Variants in ESRRG observed in about 807,000 individuals in gnomAD.
ESRRG encodes the protein estrogen-related receptor gamma.
A neutral mutation model predicts 44.0 loss-of-function variants in ESRRG; 13 were observed. That is an observed-to-expected ratio of 0.30 (90% confidence interval 0.19 to 0.47). ESRRG has a LOEUF of 0.47. Ranked by LOEUF, ESRRG falls within the 20% of genes least tolerant of loss-of-function variation. The pLI is 1.00. For missense variants in ESRRG, 395 were observed against 580.6 expected, an observed-to-expected ratio of 0.68 and a Z score of 3.29; for synonymous variants, 215 against 214.6, an observed-to-expected ratio of 1.00 and a Z score of -0.02.
Position 216,567,980 on chromosome 1 carries a change from G to A in ESRRG, c.700+8C>T. The A allele has an allele frequency of 6.3e-7, 1 of 1,585,918 alleles. No individual in the cohort carries two copies. The highest frequency in any genetic ancestry group is 8.7e-7 in the Non-Finnish European group (1 of 1,154,452). ...TTCTGGGAAGCCAGACACATCTGCT[G>A]TACTTACATGGCTTTTTGGCTGGCT... On this transcript the variant is annotated splice_region_variant and intron_variant, in intron 4 of 6. Transcript: ENST00000408911.
chr1:216,994,177 T>A (rs1041121574), intron 1 of ESRRG, among the ~76,000 whole-genome samples: 4 of 152,222 alleles, frequency 2.6e-5, no homozygotes, highest in African/African-American at 9.6e-5. Flanking sequence ...AGGGGACTGG[T>A]AATGGGCTAT....
intron 5 of ESRRG, among the ~76,000 whole-genome samples, chr1:216,562,514 A>G (rs963499487): frequency 8.6e-5 from 13 of 151,878 alleles, no homozygotes; most frequent in African/African-American, 2.7e-4. Flanking sequence ...GGGCGATTTT[A>G]TCTCCTGGAG....
At chr1:216,728,900 CT>C (rs1004395054) in intron 2 of ESRRG, among the ~76,000 whole-genome samples, 3 of 151,964 alleles carry the variant, frequency 2.0e-5, no homozygotes, top group Non-Finnish European at 4.4e-5. Flanking sequence ...TCTAAGATTT[CT>C]TTTTATAAAT....
intron 3 of ESRRG, among the ~76,000 whole-genome samples, chr1:216,598,441 A>G (rs1489130861): frequency 6.6e-6 from 1 of 152,198 alleles, no homozygotes; most frequent in Non-Finnish European, 1.5e-5. Context: ...AAATCGCTGA[A>G]AGAAATTGTT....
intron 4 of ESRRG, among the ~76,000 whole-genome samples, chr1:216,564,778 A>G (rs1425532812): frequency 1.3e-5 from 2 of 152,158 alleles, no homozygotes; most frequent in African/African-American, 4.8e-5. Flanking sequence ...CCAGTAAACT[A>G]TTGAAATATA....
chr1:216,660,729 T>C (rs182058683), intron 2 of ESRRG, among the ~76,000 whole-genome samples: 133 of 152,312 alleles, frequency 8.7e-4, no homozygotes, highest in Middle Eastern at 3.4e-3. Flanking sequence ...GCATTGTCTT[T>C]TGCTGTTGTC....
intron 1 of ESRRG, among the ~76,000 whole-genome samples, chr1:216,978,712 A>G (rs930149812): frequency 6.6e-6 from 1 of 152,138 alleles, no homozygotes; most frequent in African/African-American, 2.4e-5. Flanking sequence ...CTATGCAAGT[A>G]CCCTATTCTC....
At chr1:217,136,967 G>A (rs985381009) in intron 1 of ESRRG, among the ~76,000 whole-genome samples, 1 of 152,136 alleles carries the variant, frequency 6.6e-6, no homozygotes, top group East Asian at 1.9e-4. Context: ...GCAGATGCAG[G>A]GACGTTGCTC....
intron 1 of ESRRG, among the ~76,000 whole-genome samples, chr1:216,944,931 A>G (rs1262283222): frequency 6.6e-6 from 1 of 152,148 alleles, no homozygotes; most frequent in Admixed American, 6.6e-5. Flanking sequence ...GGAGAATAAC[A>G]CACTGCAAAT....
rs568814628 is a variant in ESRRG, at chr1:216,601,083, G to A, written c.590-32985C>T. ...GGAGGCCTAGGAAGCCCGGCAGCGC[G>A]GGCGGCAGCAGCGGGTTGGGGAGCA... On this transcript the variant is annotated intron_variant, in intron 3 of 6. Transcript: ENST00000408911. Among the ~76,000 whole-genome samples, 61 of 152,260 alleles carry A rather than the reference G, an allele frequency of 4.0e-4. No homozygotes were observed. In the South Asian group the frequency reaches 7.0e-3, roughly 18 times the overall value.
intron 1 of ESRRG, among the ~76,000 whole-genome samples, chr1:217,067,135 T>C (rs1384999798): frequency 6.6e-6 from 1 of 152,254 alleles, no homozygotes; most frequent in African/African-American, 2.4e-5. Flanking sequence ...ACAAAGTTTC[T>C]ATACTATAGC....
chr1:216,601,339 T>G (rs562897544), intron 3 of ESRRG, among the ~76,000 whole-genome samples: 2 of 152,068 alleles, frequency 1.3e-5, no homozygotes, highest in East Asian at 3.9e-4. Context: ...GCTGCGCGCG[T>G]CCGGAGCCGA....
intron 5 of ESRRG, among the ~76,000 whole-genome samples, chr1:216,547,114 T>C (rs1346226515): frequency 1.3e-5 from 2 of 152,042 alleles, no homozygotes; most frequent in Non-Finnish European, 2.9e-5. Flanking sequence ...TTCGTTAAAC[T>C]TCAATTTTCA....
At chr1:216,874,646 T>C (rs2096318281) in intron 2 of ESRRG, among the ~76,000 whole-genome samples, 1 of 152,142 alleles carries the variant, frequency 6.6e-6, no homozygotes, top group Non-Finnish European at 1.5e-5. Context: ...TGATTAATAT[T>C]GAGTGCCAAC....
intron 6 of ESRRG, among the ~76,000 whole-genome samples, chr1:216,509,694 T>G (rs1341050363): frequency 6.6e-6 from 1 of 152,238 alleles, no homozygotes; most frequent in Non-Finnish European, 1.5e-5. Context: ...AATGATTTAA[T>G]CAAATTACTA....
upstream of ESRRG, among the ~76,000 whole-genome samples, chr1:216,727,722 G>A (rs541669202): frequency 4.6e-5 from 7 of 152,044 alleles, no homozygotes; most frequent in Non-Finnish European, 7.4e-5. Flanking sequence ...GAAAGTGATC[G>A]CTTCCACAGA....
chr1:217,129,019 AAC>A (rs1162365214), intron 1 of ESRRG, among the ~76,000 whole-genome samples: 2 of 152,214 alleles, frequency 1.3e-5, no homozygotes, highest in Non-Finnish European at 2.9e-5. Flanking sequence ...TTCTATGAAT[AAC>A]AGAGCACTAT....
At chr1:216,702,646 A>G (rs924443323) in intron 1 of ESRRG, among the ~76,000 whole-genome samples, 5 of 150,718 alleles carry the variant, frequency 3.3e-5, no homozygotes, top group African/African-American at 4.9e-5. Context: ...GCATGGTGGC[A>G]TATGCCTGTA....
chr1:216,830,767 A>T (rs2095474927), intron 2 of ESRRG, among the ~76,000 whole-genome samples: 1 of 152,158 alleles, frequency 6.6e-6, no homozygotes, highest in Non-Finnish European at 1.5e-5. Flanking sequence ...ATAGATTTTT[A>T]AAAAATAACT....
Sources: allele counts gnomAD v4.1 joint callset (sites outside exome capture counted in the v4.1 genomes callset), GRCh38; gene constraint gnomAD v4.1.1; transcripts MANE v1.5; gene names NCBI Gene and HGNC (gene_info 2026-07-23, HGNC 2026-07-21).